Variants in DDX60 observed in about 807,000 individuals in gnomAD.
DDX60 encodes probable ATP-dependent RNA helicase DDX60.
Under a neutral mutation model 212.8 loss-of-function variants are expected in DDX60, and 165 were observed. That is an observed-to-expected ratio of 0.78 (90% CI 0.68 to 0.88). DDX60 has a LOEUF of 0.88. DDX60 is among the 40% of genes least tolerant of loss of function. DDX60 has a pLI of 0.00. For synonymous variants in DDX60, 703 were observed against 685.3 expected, an observed-to-expected ratio of 1.03 and a Z score of -0.40; for missense variants, 1,905 against 2,003.9, an observed-to-expected ratio of 0.95 and a Z score of 0.94.
At chr4:168,306,228 C>A in intron 5 of DDX60, 151 bp downstream of exon 5, 1 of 541,832 alleles carries the variant, frequency 1.8e-6, no homozygotes. Context: ...ACTGCATTTG[C>A]ATTATCATTA....
At chr4:168,318,248 T>C (rs1210889202) in intron 1 of DDX60, among the ~76,000 whole-genome samples, 1 of 152,196 alleles carries the variant, frequency 6.6e-6, no homozygotes, top group Non-Finnish European at 1.5e-5. Context: ...GGAAGCTTCT[T>C]GCTGCTGTCA....
chr4:168,261,100 T>C, intron 24 of DDX60, 111 bp from the exon 25 acceptor site: 2 of 1,140,346 alleles, frequency 1.8e-6, no homozygotes, highest in Non-Finnish European at 1.3e-6. Flanking sequence ...TGGGTTTTTT[T>C]AAAATAGTCC....
intron 14 of DDX60, among the ~76,000 whole-genome samples, chr4:168,278,069 C>G (rs1414699497): frequency 2.0e-5 from 3 of 152,092 alleles, no homozygotes; most frequent in Non-Finnish European, 4.4e-5. Context: ...CCTTCTTTTA[C>G]TTAATAGTGG....
chr4:168,228,424 C>T (rs1023887220), intron 33 of DDX60, among the ~76,000 whole-genome samples: 1 of 151,782 alleles, frequency 6.6e-6, no homozygotes, highest in African/African-American at 2.4e-5. Flanking sequence ...CATTTGTTTT[C>T]TGTCTGAATT....
chr4:168,248,027 T>C (rs1019055368), intron 29 of DDX60, among the ~76,000 whole-genome samples, 161 bp downstream of exon 29: 4 of 152,200 alleles, frequency 2.6e-5, no homozygotes, highest in Admixed American at 6.5e-5. Flanking sequence ...TGCAGGTGCT[T>C]TCAACTATAC....
chr4:168,317,471 A>G (rs994785353), intron 1 of DDX60, among the ~76,000 whole-genome samples: 17 of 151,984 alleles, frequency 1.1e-4, no homozygotes, highest in African/African-American at 2.9e-4. Flanking sequence ...GGTAAAGAGG[A>G]AAAAAATGGG....
chr4:168,274,207 G>T lies in DDX60; in HGVS notation c.2305-124C>A, dbSNP rs1477139443. 3.4e-5 allele frequency: 39 copies of T among 1,160,950 alleles called. 1 individual carries two copies. Among genetic ancestry groups the T allele is most frequent in the Non-Finnish European group, 6.1e-6 (5 of 825,614 alleles). The allele number at this position is 1,160,950 out of a possible 1,614,324, so 71.9% of individuals were successfully genotyped here. On this transcript the variant is annotated intron_variant, in intron 16 of 37. Coordinates refer to ENST00000393743, the MANE Select transcript of DDX60 (RefSeq NM_017631.6). ...CAAAGGATCTGTAGGTACATCTGAA[G>T]GTCTCATGTCATTCTCTCAGAAGAG...
rs1734675419 is a variant in DDX60, at chr4:168,262,734, G to C, written c.3093C>G (p.Ile1031Met). 2 of 1,612,608 alleles carry C rather than the reference G, an allele frequency of 1.2e-6. No individual in the cohort carries two copies. Among genetic ancestry groups the C allele is most frequent in the East Asian group, 4.5e-5 (2 of 44,694 alleles). The change falls in exon 23 of 38, where the codon ATC (isoleucine) becomes ATG (methionine). Residue 1031 changes from isoleucine (I) to methionine (M), a missense_variant. Transcript: ENST00000393743. The stretch of plus-strand genomic sequence containing the variant: ...TTTGAAACATGGCATCATACAGCTG[G>C]ATGCTTTCTCGAGGTGAAAGGGTAA... ...PDLTLSPRES[I>M]QLYDAMFQIW...
At chr4:168,223,149 A>G (rs980391283) in intron 35 of DDX60, among the ~76,000 whole-genome samples, 4 of 152,086 alleles carry the variant, frequency 2.6e-5, no homozygotes, top group African/African-American at 7.2e-5. Context: ...GCCTGGGGGA[A>G]AACGGGAGAC....
intron 33 of DDX60, among the ~76,000 whole-genome samples, chr4:168,230,361 T>C (rs1393393429): frequency 6.6e-6 from 1 of 152,022 alleles, no homozygotes; most frequent in Non-Finnish European, 1.5e-5. Flanking sequence ...CTAGGACAAA[T>C]GGACTTAACA....
At chr4:168,281,603 T>C (rs947053902) in intron 13 of DDX60, among the ~76,000 whole-genome samples, 1 of 152,198 alleles carries the variant, frequency 6.6e-6, no homozygotes, top group African/African-American at 2.4e-5. Flanking sequence ...GCACTTCCAA[T>C]TAACTTAAAC....
intron 26 of DDX60, among the ~76,000 whole-genome samples, chr4:168,255,076 C>CA (rs946458347): frequency 4.0e-5 from 6 of 151,182 alleles, no homozygotes; most frequent in Admixed American, 3.3e-4. Context: ...CTCTCAAGTC[C>CA]AAAAAAAACA....
intron 30 of DDX60, among the ~76,000 whole-genome samples, chr4:168,241,871 C>T (rs1733852376): frequency 6.6e-6 from 1 of 152,054 alleles, no homozygotes; most frequent in South Asian, 2.1e-4. Flanking sequence ...ATGTCAGAGA[C>T]CTTTGTGGCA....
intron 6 of DDX60, among the ~76,000 whole-genome samples, chr4:168,300,689 A>G (rs1736612664): frequency 6.6e-6 from 1 of 152,088 alleles, no homozygotes; most frequent in Non-Finnish European, 1.5e-5. Context: ...GGTGGGAGGG[A>G]CCAAGATGAA....
At chr4:168,222,985 C>A (rs1367620594) in intron 35 of DDX60, among the ~76,000 whole-genome samples, 1 of 152,052 alleles carries the variant, frequency 6.6e-6, no homozygotes, top group Non-Finnish European at 1.5e-5. Context: ...TAAGGCATAG[C>A]ACTGAATGTA....
Position 168,224,283 on chromosome 4 carries a change from T to G in DDX60, c.4784A>C (p.Asn1595Thr), listed in dbSNP as rs1375036555. ...TAGTCGAAGCAAATCATCATCAAAG[T>G]TCCCAGACAGACAAACAAATGGTGA... is the stretch of plus-strand genomic sequence containing the variant. ...AISPFVCLSG[N>T]FDDDLLRLET... Residue 1595 changes from asparagine to threonine, a missense_variant, in exon 35 of 38, where the codon AAC (asparagine) becomes ACC (threonine). Coordinates refer to ENST00000393743, the MANE Select transcript of DDX60 (RefSeq NM_017631.6). The G allele has an allele frequency of 6.2e-7, 1 of 1,612,530 alleles. No homozygotes were observed. Among genetic ancestry groups the G allele is most frequent in the Non-Finnish European group, 8.5e-7 (1 of 1,178,988 alleles).
intron 25 of DDX60, among the ~76,000 whole-genome samples, chr4:168,257,031 T>A (rs1427906141): frequency 6.6e-6 from 1 of 152,164 alleles, no homozygotes; most frequent in Non-Finnish European, 1.5e-5. Flanking sequence ...AAAATTCAAG[T>A]TATACACAGT....
intron 26 of DDX60, among the ~76,000 whole-genome samples, chr4:168,254,233 T>G (rs1734323922): frequency 6.6e-6 from 1 of 152,170 alleles, no homozygotes; most frequent in Non-Finnish European, 1.5e-5. Flanking sequence ...ACTGGCCCCT[T>G]GCTTTATGGG....
chr4:168,236,203 T>C, intron 33 of DDX60, 49 bp downstream of exon 33: 1 of 1,555,398 alleles, frequency 6.4e-7, no homozygotes, highest in Non-Finnish European at 8.8e-7. Flanking sequence ...AGGTAAGATC[T>C]ATTTAGTGGT....
Sources: allele counts gnomAD v4.1 joint callset (sites outside exome capture counted in the v4.1 genomes callset), GRCh38; gene constraint gnomAD v4.1.1; transcripts MANE v1.5; gene names NCBI Gene and HGNC (gene_info 2026-07-23, HGNC 2026-07-21).